KDM4C: variants seen among roughly 807,000 people sequenced by gnomAD.
KDM4C encodes the protein lysine demethylase 4C.
A neutral mutation model predicts 129.3 loss-of-function variants in KDM4C; 81 were observed. That is an observed-to-expected ratio of 0.63 (90% CI 0.52 to 0.75). The LOEUF (loss-of-function observed/expected upper bound fraction) is 0.75, where lower values mean the gene tolerates loss of function less well. KDM4C is among the 30% of genes least tolerant of loss of function. The pLI, the probability that KDM4C is intolerant of heterozygous loss-of-function variation, is 0.00. For synonymous variants in KDM4C, 573 were observed against 456.1 expected (o/e 1.26, Z -3.26); for missense variants, 1,457 against 1,304.0 (o/e 1.12, Z -1.81).
intron 5 of KDM4C, among the ~76,000 whole-genome samples, chr9:6,878,965 A>C (rs562329894): frequency 6.6e-6 from 1 of 152,226 alleles, no homozygotes; most frequent in Non-Finnish European, 1.5e-5. Context: ...GAACAATTTC[A>C]TTAGCAGTGC....
chr9:6,864,979 T>G (rs767056136), intron 5 of KDM4C, among the ~76,000 whole-genome samples: 11 of 151,576 alleles, frequency 7.3e-5, no homozygotes, highest in African/African-American at 1.2e-4. Context: ...TTTTTAAAAA[T>G]TATTTCAATC....
Position 6,829,968 on chromosome 9 carries a change from A to G in KDM4C, c.435+15223A>G, listed in dbSNP as rs559746356. Among the ~76,000 whole-genome samples the G allele has an allele frequency of 2.6e-5, 4 of 152,340 alleles. No individual in the cohort carries two copies. The South Asian group carries it at 8.3e-4, about 32-fold the overall frequency. Reference sequence around the variant, plus strand: ...GGGTGAATTTATAAATAGAGTAGAAAGATTCAAGTAATTCTTGTCAGAAAG... The same window carrying G: ...GGGTGAATTTATAAATAGAGTAGAAGGATTCAAGTAATTCTTGTCAGAAAG... On this transcript the variant is annotated intron_variant, in intron 4 of 21. Transcript: ENST00000381309.
chr9:6,955,551 A>C (rs1828911019), intron 8 of KDM4C, among the ~76,000 whole-genome samples: 1 of 152,188 alleles, frequency 6.6e-6, no homozygotes, highest in African/African-American at 2.4e-5. Flanking sequence ...TTTGCATGGA[A>C]TCTGTGCCGC....
intron 17 of KDM4C, chr9:7,076,526 C>T (rs1833938131): frequency 1.3e-6 from 2 of 1,542,658 alleles, no homozygotes; most frequent in Admixed American, 2.0e-5. Flanking sequence ...AGGAAAGTTA[C>T]ATCCCCTCCG....
chr9:7,145,980 A>G (rs1013443913), intron 19 of KDM4C, among the ~76,000 whole-genome samples: 1 of 152,392 alleles, frequency 6.6e-6, no homozygotes, highest in Middle Eastern at 3.4e-3. Flanking sequence ...CCCCAAACAC[A>G]ATCTGGCTAG....
intron 5 of KDM4C, among the ~76,000 whole-genome samples, chr9:6,872,353 G>C (rs1842920296): frequency 6.6e-6 from 1 of 152,168 alleles, no homozygotes; most frequent in African/African-American, 2.4e-5. Flanking sequence ...GTATTGATTT[G>C]GGGTGGAGAG....
intron 17 of KDM4C, among the ~76,000 whole-genome samples, chr9:7,091,864 G>T (rs1211055191): frequency 6.6e-6 from 1 of 152,234 alleles, no homozygotes; most frequent in Non-Finnish European, 1.5e-5. Context: ...AGATTGAGAA[G>T]AAGGAAGAAG....
intron 15 of KDM4C, among the ~76,000 whole-genome samples, chr9:7,038,151 A>AT (rs1827969629): frequency 6.6e-6 from 1 of 152,088 alleles, no homozygotes; most frequent in Non-Finnish European, 1.5e-5. Flanking sequence ...AAAGATATAA[A>AT]TACCCACAGT....
intron 1 of KDM4C, among the ~76,000 whole-genome samples, chr9:6,736,429 G>A (rs2130239197): frequency 6.6e-6 from 1 of 152,214 alleles, no homozygotes; most frequent in East Asian, 1.9e-4. Context: ...TGTGGGCTGG[G>A]CCCAGAGTTC....
At chr9:6,889,030 C>T (rs923172550) in intron 7 of KDM4C, among the ~76,000 whole-genome samples, 1 of 31,622 alleles carries the variant, frequency 3.2e-5, no homozygotes, top group Non-Finnish European at 6.3e-5. Context: ...CCTCGTGATC[C>T]GCCCGCCTCG....
intron 8 of KDM4C, among the ~76,000 whole-genome samples, chr9:6,901,069 A>G (rs1310092580): frequency 6.6e-6 from 1 of 152,008 alleles, no homozygotes; most frequent in Non-Finnish European, 1.5e-5. Flanking sequence ...GCTCTATTCT[A>G]GACATGGTGA....
intron 12 of KDM4C, among the ~76,000 whole-genome samples, chr9:7,005,439 A>T (rs1220840113): frequency 6.6e-6 from 1 of 151,248 alleles, no homozygotes; most frequent in East Asian, 1.9e-4. Context: ...CTGTCTCAAA[A>T]AAAAAAAAAA....
chr9:7,117,134 A>T (rs1351443951), intron 18 of KDM4C, among the ~76,000 whole-genome samples: 1 of 152,182 alleles, frequency 6.6e-6, no homozygotes, highest in Non-Finnish European at 1.5e-5. Context: ...AGGTTGTCAG[A>T]ATCAGAGCAC....
At chr9:6,821,722 A>AC (rs1198361445) in intron 4 of KDM4C, among the ~76,000 whole-genome samples, 39 of 150,044 alleles carry the variant, frequency 2.6e-4, no homozygotes, top group Admixed American at 1.9e-3. Context: ...CTCAACCTTC[A>AC]CCCCCGGGTT....
chr9:6,862,846 CA>C (rs908350093), intron 5 of KDM4C, among the ~76,000 whole-genome samples: 13 of 149,892 alleles, frequency 8.7e-5, no homozygotes, highest in East Asian at 1.9e-4. Flanking sequence ...AAACAAAAAA[CA>C]AAAAAAAATT....
At chr9:6,921,658 A>G (rs1821537731) in intron 8 of KDM4C, among the ~76,000 whole-genome samples, 1 of 152,092 alleles carries the variant, frequency 6.6e-6, no homozygotes, top group African/African-American at 2.4e-5. Context: ...GACAGCTTTA[A>G]AACCATTTGT....
intron 19 of KDM4C, among the ~76,000 whole-genome samples, chr9:7,164,611 G>T (rs1004248516): frequency 6.6e-6 from 1 of 152,152 alleles, no homozygotes; most frequent in Admixed American, 6.5e-5. Flanking sequence ...CACCCGCCGT[G>T]CTGCAGGTGC....
intron 5 of KDM4C, among the ~76,000 whole-genome samples, chr9:6,854,968 G>T (rs1046751672): frequency 6.6e-6 from 1 of 152,090 alleles, no homozygotes; most frequent in African/African-American, 2.4e-5. Flanking sequence ...AGATGGTTTT[G>T]GCACCCACCT....
intron 4 of KDM4C, among the ~76,000 whole-genome samples, chr9:6,846,598 T>G (rs1427223402): frequency 2.0e-5 from 3 of 152,220 alleles, no homozygotes; most frequent in Non-Finnish European, 2.9e-5. Context: ...TTAATTGAAA[T>G]TATATGACTT....
Sources: gnomAD v4.1 joint callset for allele counts (sites outside exome capture counted in the v4.1 genomes callset) on GRCh38, gnomAD v4.1.1 for gene constraint, MANE v1.5 for transcripts, NCBI Gene and HGNC (gene_info 2026-07-23, HGNC 2026-07-21) for gene names.